GLP1R: variants seen among roughly 807,000 people sequenced by gnomAD.
The protein encoded by GLP1R is glucagon like peptide 1 receptor.
A neutral mutation model predicts 68.4 loss-of-function variants in GLP1R; 32 were observed. That is an observed-to-expected ratio of 0.47 (90% CI 0.35 to 0.63). The LOEUF (loss-of-function observed/expected upper bound fraction) is 0.63, where lower values mean the gene tolerates loss of function less well. Ranked by LOEUF, GLP1R falls within the 20% of genes least tolerant of loss-of-function variation. The probability of loss-of-function intolerance (pLI) is 0.00; values close to 1 mark genes in which losing one functional copy is unlikely to be tolerated. For synonymous variants in GLP1R, 263 were observed against 244.4 expected (o/e 1.08, Z -0.71); for missense variants, 502 against 594.9 (o/e 0.84, Z 1.62).
At chr6:39,069,586 A>G (rs1768605877) in intron 5 of GLP1R, among the ~76,000 whole-genome samples, 1 of 148,620 alleles carries the variant, frequency 6.7e-6, no homozygotes, top group African/African-American at 2.5e-5. Context: ...AGCAGTGAGC[A>G]GAGATCGTGC....
At chr6:39,050,921 G>A (rs555658576) in intron 1 of GLP1R, among the ~76,000 whole-genome samples, 1 of 152,214 alleles carries the variant, frequency 6.6e-6, no homozygotes, top group East Asian at 1.9e-4. Flanking sequence ...CGGGACTGAA[G>A]GGAGACCTCT....
intron 8 of GLP1R, among the ~76,000 whole-genome samples, chr6:39,078,709 T>C (rs538554910): frequency 3.9e-5 from 6 of 152,278 alleles, no homozygotes; most frequent in Non-Finnish European, 7.4e-5. Context: ...GGTAGGTCCT[T>C]GAAAGCTTGT....
chr6:39,066,078 G>T, intron 4 of GLP1R, 119 bp from the exon 5 acceptor site: 1 of 634,324 alleles, frequency 1.6e-6, no homozygotes, highest in Non-Finnish European at 2.8e-6. Context: ...TCTTGGTCTT[G>T]GTATCCCCGG....
At chr6:39,050,283 A>G (rs967262985) in intron 1 of GLP1R, among the ~76,000 whole-genome samples, 2 of 152,066 alleles carry the variant, frequency 1.3e-5, no homozygotes, top group African/African-American at 2.4e-5. Context: ...GTTCTTGCCC[A>G]TCGTTCCCTC....
chr6:39,065,905 G>T, intron 4 of GLP1R, 76 bp downstream of exon 4: 1 of 847,086 alleles, frequency 1.2e-6, no homozygotes, highest in East Asian at 2.5e-5. Flanking sequence ...AAAGACCCTT[G>T]GCTTTGATGG....
intron 3 of GLP1R, among the ~76,000 whole-genome samples, chr6:39,058,642 T>TATCATCATCATCATCATCATC (rs112102888): frequency 6.0e-4 from 90 of 149,992 alleles, no homozygotes; most frequent in South Asian, 2.4e-3. Flanking sequence ...GATATTTCCC[T>TATCATCATCATCATCATCATC]ATCATCATCA....
intron 4 of GLP1R, 73 bp downstream of exon 4, chr6:39,065,902 C>T: frequency 1.1e-6 from 1 of 911,526 alleles, no homozygotes; most frequent in South Asian, 1.5e-5. Context: ...AGCAAAGACC[C>T]TTGGCTTTGA....
intron 3 of GLP1R, among the ~76,000 whole-genome samples, chr6:39,065,323 C>T (rs967863274): frequency 1.3e-5 from 2 of 152,172 alleles, no homozygotes; most frequent in Admixed American, 6.5e-5. Context: ...TGCTGCTGGT[C>T]GGTGCCAGAC....
At chr6:39,058,779 T>C (rs763855115) in intron 3 of GLP1R, among the ~76,000 whole-genome samples, 3 of 152,220 alleles carry the variant, frequency 2.0e-5, no homozygotes, top group Admixed American at 6.5e-5. Flanking sequence ...TTATACCTGC[T>C]GTACAGATGA....
In GLP1R at chr6:39,079,519, T is replaced by C. The variant is rs754614199; in HGVS notation, c.1044-45T>C. The C allele has an allele frequency of 1.0e-5, 16 of 1,536,624 alleles. No individual in the cohort carries two copies. Among genetic ancestry groups the C allele is most frequent in the East Asian group, 9.0e-5 (4 of 44,246 alleles). On this transcript the variant is annotated intron_variant, in intron 10 of 12. Transcript: ENST00000373256. This position sits in a 1 kb window ranked among gnomAD's most constrained non-coding sequence, Gnocchi z 4.5. ...GGTAGAGAAAGGGAAGAAGAGTCCATGGGAGAGGTCCAGAATGACTCGAGA... is the reference window on the plus strand; with the variant it reads ...GGTAGAGAAAGGGAAGAAGAGTCCACGGGAGAGGTCCAGAATGACTCGAGA...
intron 4 of GLP1R, 142 bp downstream of exon 4, chr6:39,065,971 G>A (rs1768495525): frequency 1.5e-6 from 1 of 649,170 alleles, no homozygotes; most frequent in South Asian, 1.9e-5. Flanking sequence ...TGCACACCAT[G>A]CTTTCTGGAC....
intron 6 of GLP1R, 28 bp downstream of exon 6, chr6:39,073,043 G>A: frequency 6.2e-7 from 1 of 1,602,914 alleles, no homozygotes. Flanking sequence ...GACCGCCTCA[G>A]GAGGGATGGG....
chr6:39,090,988 C>T lies in GLP1R; in HGVS notation c.*4915C>T, dbSNP rs1195217238. ...TAATCATCCCATCCTCAAAGCAGAC[C>T]AACTCCAGCATCCCATCGGTTCTGG... On this transcript the variant is annotated 3_prime_UTR_variant, in exon 13 of 13. Transcript: ENST00000373256. Among the ~76,000 whole-genome samples the T allele has an allele frequency of 6.6e-6, 1 of 152,094 alleles. No individual in the cohort carries two copies. The highest frequency in any genetic ancestry group is 1.5e-5 in the Non-Finnish European group (1 of 68,022).
At chr6:39,066,405 TTC>T in intron 5 of GLP1R, 102 bp downstream of exon 5, 1 of 654,624 alleles carries the variant, frequency 1.5e-6, no homozygotes, top group Admixed American at 2.5e-5. Flanking sequence ...GTGCAGCACA[TTC>T]GTCCTTCTCT....
At chr6:39,077,468 T>C (rs750751970) in intron 7 of GLP1R, among the ~76,000 whole-genome samples, 4 of 152,120 alleles carry the variant, frequency 2.6e-5, no homozygotes, top group Non-Finnish European at 5.9e-5. Context: ...GCCTTCTGAG[T>C]TCTCTCAGCA....
chr6:39,082,881 C>A (rs1769042581), intron 12 of GLP1R, among the ~76,000 whole-genome samples: 1 of 152,012 alleles, frequency 6.6e-6, no homozygotes, highest in African/African-American at 2.4e-5. Flanking sequence ...ACTTCTCTAT[C>A]CTCTGACACT....
chr6:39,078,186 A>G (rs1373131715), intron 7 of GLP1R, 136 bp from the exon 8 acceptor site: 2 of 690,458 alleles, frequency 2.9e-6, no homozygotes, highest in Non-Finnish European at 5.2e-6. Context: ...GAAAAAAACT[A>G]GAAAACATAG....
rs34093988 is a variant in GLP1R at position 39,086,166 on chromosome 6, GAC to G, written c.*131_*132del. ...ACTCCCAGGGACAAGGGAAGGAAGG[GAC>G]ACACACACACACACACACACACACA... On this transcript the variant is annotated 3_prime_UTR_variant, in exon 13 of 13. Coordinates refer to ENST00000373256, the MANE Select transcript of GLP1R (RefSeq NM_002062.5). The surrounding 1 kb of genome is among the most constrained non-coding windows in gnomAD (Gnocchi z 4.5). 48,317 of 575,042 alleles carry G rather than the reference GAC, an allele frequency of 0.084. 485 individuals are homozygous for G. The highest frequency in any genetic ancestry group is 0.16 in the East Asian group (5,405 of 33,070). 35.6% of individuals were successfully genotyped at this position (575,042 alleles called of 1,614,324 possible). A position where few individuals can be genotyped will look rare whatever the true frequency, so the allele number is the denominator to read the frequency against.
intron 8 of GLP1R, 79 bp downstream of exon 8, chr6:39,078,461 C>A: frequency 2.0e-6 from 2 of 991,034 alleles, no homozygotes; most frequent in Non-Finnish European, 3.3e-6. Flanking sequence ...GTACCTGGGG[C>A]ACCCATCTGT....
Sources: allele counts gnomAD v4.1 joint callset (sites outside exome capture counted in the v4.1 genomes callset), GRCh38; gene constraint gnomAD v4.1.1; non-coding constraint Gnocchi (gnomAD v3.1); transcripts MANE v1.5; gene names NCBI Gene and HGNC (gene_info 2026-07-23, HGNC 2026-07-21).